CD109: variants seen among roughly 807,000 people sequenced by gnomAD.
CD109 encodes CD109 molecule, also known as CD109 antigen.
CD109 carries 149 observed loss-of-function variants against 165.8 expected under a neutral mutation model. The ratio of observed to expected loss-of-function variants is 0.90; its 90% confidence interval spans 0.79 to 1.03. The LOEUF (loss-of-function observed/expected upper bound fraction) is 1.03, where lower values mean the gene tolerates loss of function less well. Ranked by LOEUF, CD109 falls within the 50% of genes least tolerant of loss-of-function variation. The probability of loss-of-function intolerance (pLI) is 0.00; values close to 1 mark genes in which losing one functional copy is unlikely to be tolerated. For synonymous variants in CD109, 585 were observed against 592.1 expected (o/e 0.99, Z 0.18); for missense variants, 1,712 against 1,677.8 (o/e 1.02, Z -0.36).
rs540385400 is a variant in CD109 at position 73,806,056 on chromosome 6, T to C, written c.2961-788T>C. On this transcript the variant is annotated intron_variant, in intron 24 of 32. Transcript: ENST00000287097. Reference sequence around the variant, plus strand: ...TAAATCATGCTGCTATAAAGACACATGCACACGTATGTTTATTGCGGCACT... The same window carrying C: ...TAAATCATGCTGCTATAAAGACACACGCACACGTATGTTTATTGCGGCACT... Among the ~76,000 whole-genome samples, 15 of 152,322 alleles carry C rather than the reference T, an allele frequency of 9.8e-5. 1 individual carries two copies. Among genetic ancestry groups the C allele is most frequent in the Admixed American group, 7.8e-4 (12 of 15,310 alleles).
At chr6:73,706,025 T>C (rs1285228101) in intron 2 of CD109, among the ~76,000 whole-genome samples, 2 of 152,080 alleles carry the variant, frequency 1.3e-5, no homozygotes, top group Non-Finnish European at 2.9e-5. Context: ...GAGATCAGTA[T>C]TGGGGCAGAG....
At position 73,826,092 on chromosome 6, in the gene CD109, C is replaced by T. The variant is rs1298613040; in HGVS notation, c.*2459C>T. On this transcript the variant is annotated 3_prime_UTR_variant, in exon 33 of 33. Coordinates refer to ENST00000287097, the MANE Select transcript of CD109 (RefSeq NM_133493.5). The stretch of plus-strand genomic sequence containing the variant: ...CATAAAGGGTTAGCTAGCACTGTCT[C>T]CTGGTGCATGGGGCTGTGCAGATGT... 3 of 152,202 alleles carry T rather than the reference C, an allele frequency of 2.0e-5. No individual in the cohort carries two copies. The highest frequency in any genetic ancestry group is 7.2e-5 in the African/African-American group (3 of 41,458). 9.4% of individuals were successfully genotyped at this position (152,202 alleles called of 1,614,324 possible). A position where few individuals can be genotyped will look rare whatever the true frequency, so the allele number is the denominator to read the frequency against.
chr6:73,768,734 C>G (rs1773937262), intron 14 of CD109, among the ~76,000 whole-genome samples: 1 of 152,184 alleles, frequency 6.6e-6, no homozygotes, highest in Non-Finnish European at 1.5e-5. Flanking sequence ...GGAGTCTGGT[C>G]TCCAAGTGCA....
intron 3 of CD109, among the ~76,000 whole-genome samples, chr6:73,725,506 T>TC (rs1425532207): frequency 2.8e-4 from 34 of 123,458 alleles, no homozygotes; most frequent in East Asian, 6.3e-4. Flanking sequence ...CTACACTTCT[T>TC]TTTTTTTTTT....
chr6:73,696,105 T>C, upstream of CD109: 1 of 1,058,828 alleles, frequency 9.4e-7, no homozygotes, highest in Non-Finnish European at 1.4e-6. Context: ...TTCAGATTAC[T>C]AAACTCGAAT....
intron 5 of CD109, among the ~76,000 whole-genome samples, chr6:73,746,974 C>G (rs773724050): frequency 2.6e-5 from 4 of 152,208 alleles, no homozygotes; most frequent in Non-Finnish European, 5.9e-5. Flanking sequence ...TTCCACTTCA[C>G]AGAGAACACA....
intron 1 of CD109, 71 bp from the exon 2 acceptor site, chr6:73,697,329 T>G: frequency 4.1e-6 from 6 of 1,454,080 alleles, no homozygotes; most frequent in Non-Finnish European, 3.8e-6. Context: ...CACTAGGAAA[T>G]CTGAGGGTCA....
intron 29 of CD109, among the ~76,000 whole-genome samples, chr6:73,812,526 T>C (rs1049160183): frequency 6.6e-5 from 10 of 152,042 alleles, no homozygotes; most frequent in Admixed American, 2.0e-4. Flanking sequence ...GAAGTGAGGG[T>C]TAATGTCCTC....
chr6:73,693,499 C>G (rs1770723395), upstream of CD109, among the ~76,000 whole-genome samples: 2 of 152,242 alleles, frequency 1.3e-5, no homozygotes, highest in Admixed American at 1.3e-4. Context: ...CTTTGGGCGA[C>G]AAACATCCAA....
At chr6:73,768,445 A>G (rs890887864) in intron 14 of CD109, among the ~76,000 whole-genome samples, 8 of 152,198 alleles carry the variant, frequency 5.3e-5, no homozygotes, top group Non-Finnish European at 8.8e-5. Flanking sequence ...TTTGTAAACT[A>G]TGGTTCTGGT....
intron 30 of CD109, 105 bp from the exon 31 acceptor site, chr6:73,818,283 G>A (rs1391586991): frequency 8.4e-7 from 1 of 1,184,060 alleles, no homozygotes; most frequent in South Asian, 1.3e-5. Flanking sequence ...CTCAAACAGT[G>A]TTTGGAATAA....
intron 17 of CD109, 121 bp from the exon 18 acceptor site, chr6:73,782,493 T>C (rs993569485): frequency 2.2e-6 from 2 of 899,400 alleles, no homozygotes; most frequent in Non-Finnish European, 3.4e-6. Flanking sequence ...AACCTGATAC[T>C]CTCACTGGCA....
At chr6:73,766,889 C>T in intron 12 of CD109, 29 bp downstream of exon 12, 3 of 1,603,984 alleles carry the variant, frequency 1.9e-6, no homozygotes, top group Non-Finnish European at 2.6e-6. Flanking sequence ...TTGAGAATTA[C>T]AATATAATTG....
intron 30 of CD109, among the ~76,000 whole-genome samples, chr6:73,817,045 C>A (rs1775961610): frequency 6.6e-6 from 1 of 152,124 alleles, no homozygotes; most frequent in Non-Finnish European, 1.5e-5. Context: ...AATGCTGCTA[C>A]TAGTTTTCTG....
At chr6:73,791,154 T>TACACAC (rs1412128027) in intron 22 of CD109, among the ~76,000 whole-genome samples, 1 of 28,236 alleles carries the variant, frequency 3.5e-5, no homozygotes, top group Non-Finnish European at 6.6e-5. Flanking sequence ...TATATATATA[T>TACACAC]ATATATATAT....
intron 30 of CD109, among the ~76,000 whole-genome samples, chr6:73,817,227 C>T (rs1343507462): frequency 6.6e-6 from 1 of 152,136 alleles, no homozygotes; most frequent in Non-Finnish European, 1.5e-5. Context: ...CTGCCCCAGG[C>T]TTGGTAGAGA....
chr6:73,765,861 C>A, intron 10 of CD109, 69 bp from the exon 11 acceptor site: 1 of 1,132,376 alleles, frequency 8.8e-7, no homozygotes, highest in Non-Finnish European at 1.3e-6. Context: ...GAGAATACTA[C>A]AGACGGAAAC....
At chr6:73,769,172 G>C (rs1773952944) in intron 14 of CD109, among the ~76,000 whole-genome samples, 1 of 152,134 alleles carries the variant, frequency 6.6e-6, no homozygotes, top group Non-Finnish European at 1.5e-5. Context: ...TTACAGACAT[G>C]AGCCACTGCG....
chr6:73,799,300 G>A (rs1775281211), intron 23 of CD109, among the ~76,000 whole-genome samples: 1 of 152,078 alleles, frequency 6.6e-6, no homozygotes, highest in South Asian at 2.1e-4. Context: ...ACATTAACAT[G>A]CTTCCAAAAG....
Sources: allele counts gnomAD v4.1 joint callset (sites outside exome capture counted in the v4.1 genomes callset), GRCh38; gene constraint gnomAD v4.1.1; transcripts MANE v1.5; gene names NCBI Gene and HGNC (gene_info 2026-07-23, HGNC 2026-07-21).